ASXL3: variants seen among roughly 807,000 people sequenced by gnomAD.
ASXL3 encodes ASXL transcriptional regulator 3.
ASXL3 carries 34 observed loss-of-function variants against 170.6 expected under a neutral mutation model. The observed-to-expected ratio is 0.20, with a 90% CI of 0.15 to 0.27. The LOEUF is 0.27. ASXL3 is among the 10% of genes least tolerant of loss of function. ASXL3 has a pLI of 1.00. For missense variants in ASXL3, 2,592 were observed against 2,695.3 expected, an observed-to-expected ratio of 0.96 and a Z score of 0.85; for synonymous variants, 1,002 against 989.1, an observed-to-expected ratio of 1.01 and a Z score of -0.24.
chr18:33,649,385 T>G (rs1318269967), intron 4 of ASXL3, among the ~76,000 whole-genome samples: 1 of 152,106 alleles, frequency 6.6e-6, no homozygotes, highest in African/African-American at 2.4e-5. Context: ...TCTGTGTGTG[T>G]TATTTTTCTC....
chr18:33,636,435 A>AAAAAC (rs1261828058), intron 2 of ASXL3, among the ~76,000 whole-genome samples: 2 of 152,198 alleles, frequency 1.3e-5, no homozygotes, highest in African/African-American at 4.8e-5. Context: ...TGTTGTTTTT[A>AAAAAC]AATAAGAAAA....
chr18:33,738,894 A>G lies in ASXL3; in HGVS notation c.1490A>G (p.Asp497Gly). The G allele has an allele frequency of 6.2e-7, 1 of 1,613,644 alleles. No individual in the cohort carries two copies. The highest frequency in any genetic ancestry group is 8.5e-7 in the Non-Finnish European group (1 of 1,179,732). Residue 497 changes from aspartate to glycine, a missense_variant, in exon 11 of 12, where the codon GAT becomes GGT. Asp to Gly is a moderately conservative substitution (Grantham distance 94). This residue lies in a region of ASXL3 where 2,246 missense variants were observed against 2,219.6 expected (regional missense o/e 1.01). Transcript: ENST00000269197. ...GAACCCCAAATAGCACCTCCTGAAG[A>G]TAACTTGGAATCCTGTGTTATGATG... ...HEEPQIAPPE[D>G]NLESCVMMND...
At chr18:33,654,280 A>G (rs989650219) in intron 4 of ASXL3, among the ~76,000 whole-genome samples, 4 of 152,060 alleles carry the variant, frequency 2.6e-5, no homozygotes, top group African/African-American at 9.7e-5. Context: ...AATTGAAGGT[A>G]TTCCCTCAAT....
At chr18:33,650,571 T>C (rs2065981433) in intron 4 of ASXL3, among the ~76,000 whole-genome samples, 1 of 152,094 alleles carries the variant, frequency 6.6e-6, no homozygotes, top group Non-Finnish European at 1.5e-5. Flanking sequence ...CTTGGGAGTT[T>C]AGTAGCTGAG....
At chr18:33,679,473 T>C (rs564925062) in intron 7 of ASXL3, among the ~76,000 whole-genome samples, 9 of 152,234 alleles carry the variant, frequency 5.9e-5, no homozygotes, top group African/African-American at 1.9e-4. Context: ...CATATTGTCT[T>C]GCTGCTCTTT....
chr18:33,713,407 G>A (rs1199325950), intron 8 of ASXL3, among the ~76,000 whole-genome samples: 5 of 149,746 alleles, frequency 3.3e-5, no homozygotes, highest in African/African-American at 7.4e-5. Context: ...ACAGGCACCT[G>A]CCACCACGCC....
At chr18:33,722,287 T>C (rs930200697) in intron 8 of ASXL3, among the ~76,000 whole-genome samples, 7 of 152,106 alleles carry the variant, frequency 4.6e-5, no homozygotes, top group Non-Finnish European at 7.4e-5. Flanking sequence ...GGAAGGCATG[T>C]TGAAAGCTGA....
intron 2 of ASXL3, among the ~76,000 whole-genome samples, chr18:33,623,654 T>C (rs2065553131): frequency 6.6e-6 from 1 of 152,174 alleles, no homozygotes; most frequent in African/African-American, 2.4e-5. Flanking sequence ...TTCTAAGATA[T>C]TTTACAGCAG....
intron 5 of ASXL3, among the ~76,000 whole-genome samples, chr18:33,664,209 T>A (rs2145238879): frequency 6.6e-6 from 1 of 152,260 alleles, no homozygotes; most frequent in East Asian, 1.9e-4. Context: ...TCAGGTAACT[T>A]GCCCAAGATC....
intron 8 of ASXL3, among the ~76,000 whole-genome samples, chr18:33,726,126 T>C (rs1282692497): frequency 6.6e-6 from 1 of 152,282 alleles, no homozygotes; most frequent in East Asian, 1.9e-4. Context: ...GCCTATAGTC[T>C]TGTCTTTTAA....
chr18:33,723,758 A>G (rs2067300765), intron 8 of ASXL3, among the ~76,000 whole-genome samples: 1 of 152,132 alleles, frequency 6.6e-6, no homozygotes, highest in South Asian at 2.1e-4. Context: ...CATGCTACAG[A>G]TAAGTTTTTT....
chr18:33,639,908 A>C (rs8087449), intron 2 of ASXL3, among the ~76,000 whole-genome samples: 93,091 of 151,986 alleles, frequency 0.61, 29,270 homozygotes, highest in East Asian at 0.88. Flanking sequence ...TATTTGATAA[A>C]TATTTTTTGT....
At chr18:33,683,786 G>A (rs1476725329) in intron 8 of ASXL3, 3 of 400,502 alleles carry the variant, frequency 7.5e-6, no homozygotes, top group Middle Eastern at 6.5e-4. Flanking sequence ...GTACATTGTG[G>A]TAGAGTGAAA....
rs992678932 is a variant in ASXL3, at chr18:33,748,809, C to T, written c.*2214C>T. On this transcript the variant is annotated 3_prime_UTR_variant, in exon 12 of 12. Transcript: ENST00000269197. ...TCTACACCAGCAAATTGAAAACCATCACATCAGTAACTGACATGGTGTCGG... is the reference window on the plus strand; with the variant it reads ...TCTACACCAGCAAATTGAAAACCATTACATCAGTAACTGACATGGTGTCGG... 1.3e-5 allele frequency: 2 copies of T among 152,246 alleles called. No individual in the cohort carries two copies. Among genetic ancestry groups the T allele is most frequent in the Admixed American group, 6.5e-5 (1 of 15,280 alleles). 9.4% of individuals were successfully genotyped at this position (152,246 alleles called of 1,614,324 possible).
chr18:33,735,349 G>C (rs2067526502), intron 10 of ASXL3, among the ~76,000 whole-genome samples: 1 of 152,204 alleles, frequency 6.6e-6, no homozygotes, highest in Non-Finnish European at 1.5e-5. Flanking sequence ...GGTGCTCAGA[G>C]TATGCTACCC....
At chr18:33,639,157 G>A (rs1405696915) in intron 2 of ASXL3, among the ~76,000 whole-genome samples, 2 of 152,004 alleles carry the variant, frequency 1.3e-5, no homozygotes, top group Non-Finnish European at 1.5e-5. Flanking sequence ...CACAATTTTT[G>A]AACATTTACC....
intron 1 of ASXL3, among the ~76,000 whole-genome samples, chr18:33,589,536 A>T (rs1190131314): frequency 6.6e-6 from 1 of 152,224 alleles, no homozygotes; most frequent in Non-Finnish European, 1.5e-5. Flanking sequence ...AAAGAAAAGA[A>T]CAGGATATAG....
rs181882611 is a variant in ASXL3 at position 33,641,332 on chromosome 18, G to A, written c.138-3562G>A. 9.0e-4 allele frequency among the ~76,000 whole-genome samples: 137 copies of A among 151,952 alleles called. 1 individual carries two copies. The highest frequency in any genetic ancestry group is 2.4e-3 in the African/African-American group (98 of 41,458). On this transcript the variant is annotated intron_variant, in intron 2 of 11. Transcript: ENST00000269197. ...CTCCCTTGCCTCCAGATTCCACCCC[G>A]TTCTGCTTCAGGGGTTGTGGGAAAT...
chr18:33,700,479 T>G (rs1187652899), intron 8 of ASXL3, among the ~76,000 whole-genome samples: 3 of 151,694 alleles, frequency 2.0e-5, no homozygotes, highest in Admixed American at 1.3e-4. Flanking sequence ...AAAGTAGATA[T>G]CAGGATCATG....
Sources: gnomAD v4.1 joint callset for allele counts (sites outside exome capture counted in the v4.1 genomes callset) on GRCh38, gnomAD v4.1.1 for gene constraint, gnomAD v4.1.1 regional missense constraint, MANE v1.5 for transcripts, NCBI Gene and HGNC (gene_info 2026-07-23, HGNC 2026-07-21) for gene names.